Variants in SPRED2 observed in about 807,000 individuals in gnomAD.
SPRED2 encodes the protein sprouty related EVH1 domain containing 2.
In SPRED2, 47 loss-of-function variants were observed where a neutral mutation model predicts 43.0. That is an observed-to-expected ratio of 1.09 (90% CI 0.87 to 1.40). SPRED2 has a LOEUF of 1.40. SPRED2 is among the 40% of genes most tolerant of loss of function. SPRED2 has a pLI of 0.00. For missense variants in SPRED2, 561 were observed against 586.4 expected (o/e 0.96, Z 0.45); for synonymous variants, 225 against 225.7 (o/e 1.00, Z 0.03).
At position 65,313,459 on chromosome 2, in the gene SPRED2, C is replaced by T; in HGVS notation, c.*42G>A. On this transcript the variant is annotated 3_prime_UTR_variant, in exon 6 of 6. Coordinates refer to ENST00000356388, the MANE Select transcript of SPRED2 (RefSeq NM_181784.3). Reference sequence around the variant, plus strand: ...GATGAGAGTATGTAAGAGACGAGTTCCCCTGTGGCTGCGGATGGAGGGAGA... The same window carrying T: ...GATGAGAGTATGTAAGAGACGAGTTTCCCTGTGGCTGCGGATGGAGGGAGA... The T allele has an allele frequency of 6.4e-7, 1 of 1,563,236 alleles. No individual in the cohort carries two copies. Among genetic ancestry groups the T allele is most frequent in the Non-Finnish European group, 8.6e-7 (1 of 1,156,640 alleles).
rs972944215 is a variant in SPRED2, at chr2:65,432,097, G to T, written c.-110C>A. ...CTCCGGAGATCGCCTGATTTGGGGAGGGGGGGCGGCTAGAGATGAAGAGGG... is the reference window on the plus strand; with the variant it reads ...CTCCGGAGATCGCCTGATTTGGGGATGGGGGGCGGCTAGAGATGAAGAGGG... On this transcript the variant is annotated 5_prime_UTR_variant, in exon 1 of 6. Transcript: ENST00000356388. The T allele has an allele frequency of 2.1e-6, 3 of 1,423,398 alleles. No homozygotes were observed. Among genetic ancestry groups the T allele is most frequent in the East Asian group, 2.4e-5 (1 of 42,500 alleles). 88.2% of individuals were successfully genotyped at this position (1,423,398 alleles called of 1,614,324 possible).
At position 65,312,061 on chromosome 2, in the gene SPRED2, GT is replaced by G; in HGVS notation, c.*1439del. On this transcript the variant is annotated 3_prime_UTR_variant, in exon 6 of 6. Transcript: ENST00000356388. ...CGAGGTTCTGATTGTACTATGCTAG[GT>G]ATAGGTAACCACTCTTCACTTTTCT... 1 of 985,416 alleles carries G rather than the reference GT, an allele frequency of 1.0e-6. No individual in the cohort carries two copies. The highest frequency in any genetic ancestry group is 1.2e-6 in the Non-Finnish European group (1 of 829,930). The allele number at this position is 985,416 out of a possible 1,614,324, so 61.0% of individuals were successfully genotyped here.
chr2:65,335,647 T>C (rs1673942615), intron 2 of SPRED2, among the ~76,000 whole-genome samples: 1 of 152,248 alleles, frequency 6.6e-6, no homozygotes, highest in Admixed American at 6.5e-5. Flanking sequence ...TAGTACCTGA[T>C]TTCAAACTAT....
At chr2:65,309,399 G>A (rs561619042), downstream of SPRED2, among the ~76,000 whole-genome samples, 142 of 151,222 alleles carry the variant, frequency 9.4e-4, no homozygotes, top group African/African-American at 3.3e-3. Context: ...CTAGCTACTC[G>A]AGGGGATAAG....
rs1402154031 is a variant in SPRED2, at chr2:65,383,953, C to A, written c.27-39057G>T. ...CAGGTCATTTGCTGTAGCTGAGCAG[C>A]TGCAGTGCATGTTTCTACAAGCTGT... is the stretch of plus-strand genomic sequence containing the variant. On this transcript the variant is annotated intron_variant, in intron 1 of 5. Transcript: ENST00000356388. Among the ~76,000 whole-genome samples the A allele has an allele frequency of 4.6e-5, 7 of 152,196 alleles. No homozygotes were observed. The South Asian group carries it at 1.4e-3, about 31-fold the overall frequency.
chr2:65,313,630 G>C lies in SPRED2; in HGVS notation c.1128C>G (p.Leu376=). 1.2e-6 allele frequency: 2 copies of C among 1,614,184 alleles called. No individual in the cohort carries two copies. Among genetic ancestry groups the C allele is most frequent in the Non-Finnish European group, 1.7e-6 (2 of 1,180,014 alleles). Residue 376 remains leucine, a synonymous_variant, in exon 6 of 6, where the codon CTC becomes CTG. Coordinates refer to ENST00000356388, the MANE Select transcript of SPRED2 (RefSeq NM_181784.3). The part of the protein sequence containing the change: ...SCDTSDEKFC[L]RWMALIALSF... ...ACAAGGCAATAAGAGCCATCCACCG[G>C]AGGCAAAACTTCTCGTCGCTAGTAT...
At chr2:65,323,855 G>A (rs563002593) in intron 4 of SPRED2, among the ~76,000 whole-genome samples, 13 of 152,114 alleles carry the variant, frequency 8.5e-5, no homozygotes, top group Admixed American at 6.5e-4. Flanking sequence ...CAGCCTGGGC[G>A]ACAGAGCAAG....
At chr2:65,371,841 C>T (rs566755677) in intron 1 of SPRED2, among the ~76,000 whole-genome samples, 422 of 152,044 alleles carry the variant, frequency 2.8e-3, no homozygotes, top group Middle Eastern at 6.9e-3. Context: ...TTTGGGAGGC[C>T]GGGGCAGGCA....
At chr2:65,334,392 G>T in intron 3 of SPRED2, 1 of 636,080 alleles carries the variant, frequency 1.6e-6, no homozygotes, top group Non-Finnish European at 2.9e-6. Context: ...AAAATCAATT[G>T]GGATTACTCC....
chr2:65,344,634 A>G, intron 2 of SPRED2, 85 bp downstream of exon 2: 3 of 1,526,090 alleles, frequency 2.0e-6, no homozygotes, highest in Non-Finnish European at 2.7e-6. Flanking sequence ...AAAGAAAAAA[A>G]TACGTTAAGG....
At chr2:65,348,647 AC>A (rs1314075216) in intron 1 of SPRED2, among the ~76,000 whole-genome samples, 1 of 152,092 alleles carries the variant, frequency 6.6e-6, no homozygotes, top group Non-Finnish European at 1.5e-5. Flanking sequence ...CATTAAAAGT[AC>A]AAAAAATTAG....
chr2:65,390,103 A>G (rs1275978538), intron 1 of SPRED2, among the ~76,000 whole-genome samples: 6 of 152,118 alleles, frequency 3.9e-5, no homozygotes. Context: ...AGCTTGTGAC[A>G]CCTCCAGAAA....
Position 65,332,017 on chromosome 2 carries a change from T to C in SPRED2, c.408A>G (p.Glu136=), listed in dbSNP as rs2104205223. 1 of 1,610,196 alleles carries C rather than the reference T, an allele frequency of 6.2e-7. No individual in the cohort carries two copies. The highest frequency in any genetic ancestry group is 1.1e-5 in the South Asian group (1 of 90,100). The change falls in exon 4 of 6, where the codon GAA becomes GAG. Residue 136 remains glutamate (E), a synonymous_variant. Coordinates refer to ENST00000356388, the MANE Select transcript of SPRED2 (RefSeq NM_181784.3). ...AAACGTCATCATCGCCAAGCTCAGCTTCATTATGGATGGTGGAAGATGACG... is the reference window on the plus strand; with the variant it reads ...AAACGTCATCATCGCCAAGCTCAGCCTCATTATGGATGGTGGAAGATGACG... The part of the protein sequence containing the change: ...STTSSSTIHN[E]AELGDDDVFT...
intron 1 of SPRED2, among the ~76,000 whole-genome samples, chr2:65,402,221 T>C (rs906286851): frequency 1.3e-4 from 17 of 135,326 alleles, no homozygotes; most frequent in South Asian, 4.6e-4. Flanking sequence ...GAAGGTTTCA[T>C]TGAGCTGAGA....
chr2:65,420,797 A>G (rs1676405360), intron 1 of SPRED2, among the ~76,000 whole-genome samples: 1 of 152,182 alleles, frequency 6.6e-6, no homozygotes, highest in African/African-American at 2.4e-5. Context: ...TTCATTTCCT[A>G]ACTACATTGC....
rs150797171 is a variant in SPRED2, at chr2:65,375,056, C to A, written c.27-30160G>T. 2.6e-3 allele frequency among the ~76,000 whole-genome samples: 403 copies of A among 152,318 alleles called. 3 individuals are homozygous for A. Among genetic ancestry groups the A allele is most frequent in the African/African-American group, 8.9e-3 (368 of 41,568 alleles). On this transcript the variant is annotated intron_variant, in intron 1 of 5. Coordinates refer to ENST00000356388, the MANE Select transcript of SPRED2 (RefSeq NM_181784.3). The stretch of plus-strand genomic sequence containing the variant: ...AGTTACCCTTTCCAATTGAACAACG[C>A]ACACTCAGCAAGAGCCTGAGAACAT...
chr2:65,401,937 G>GCACGCACACACACA, intron 1 of SPRED2, among the ~76,000 whole-genome samples: 1 of 114,762 alleles, frequency 8.7e-6, no homozygotes, highest in East Asian at 2.2e-4. Context: ...GCGCGCGCGC[G>GCACGCACACACACA]CACACACACA....
Position 65,425,357 on chromosome 2 carries a change from A to G in SPRED2, c.26+6605T>C, listed in dbSNP as rs1676532479. 7.2e-5 allele frequency among the ~76,000 whole-genome samples: 11 copies of G among 152,200 alleles called. 1 individual carries two copies. The South Asian group carries it at 2.3e-3, about 31-fold the overall frequency. On this transcript the variant is annotated intron_variant, in intron 1 of 5. Coordinates refer to ENST00000356388, the MANE Select transcript of SPRED2 (RefSeq NM_181784.3). Reference sequence around the variant, plus strand: ...GGGTGAAGTCAAAATCTGTTTCTTTACCTTTACCCTCTAAGTGCAAGTAAA... The same window carrying G: ...GGGTGAAGTCAAAATCTGTTTCTTTGCCTTTACCCTCTAAGTGCAAGTAAA...
At chr2:65,382,076 G>C (rs1489841311) in intron 1 of SPRED2, among the ~76,000 whole-genome samples, 1 of 152,200 alleles carries the variant, frequency 6.6e-6, no homozygotes, top group African/African-American at 2.4e-5. Context: ...TGGCTTCCCA[G>C]TCTTTGCTGG....
Sources: gnomAD v4.1 joint callset for allele counts (sites outside exome capture counted in the v4.1 genomes callset) on GRCh38, gnomAD v4.1.1 for gene constraint, MANE v1.5 for transcripts, NCBI Gene and HGNC (gene_info 2026-07-23, HGNC 2026-07-21) for gene names.